RASL10A: variants seen among roughly 807,000 people sequenced by gnomAD.
RASL10A encodes the protein ras-like protein family member 10A.
RASL10A carries 13 observed loss-of-function variants against 17.3 expected under a neutral mutation model. The observed-to-expected ratio is 0.75, with a 90% CI of 0.49 to 1.20. The LOEUF is 1.20. Among genes scored for constraint, RASL10A ranks in the 50% most tolerant of loss-of-function variants. RASL10A has a pLI of 0.00. For missense variants in RASL10A, 307 were observed against 310.3 expected (o/e 0.99, Z 0.08); for synonymous variants, 159 against 142.2 (o/e 1.12, Z -0.84).
At chr22:29,314,336 T>C (rs174762) in intron 1 of RASL10A, 138,766 of 215,424 alleles carry the variant, frequency 0.64, 45,860 homozygotes, top group African/African-American at 0.8. Flanking sequence ...TTGGCCCGAG[T>C]CCCGTGGTCC....
rs915552705 is a variant in RASL10A, at chr22:29,313,416, T to C, written c.497A>G (p.His166Arg). The C allele has an allele frequency of 1.3e-6, 2 of 1,541,818 alleles. No homozygotes were observed. Among genetic ancestry groups the C allele is most frequent in the South Asian group, 2.4e-5 (2 of 84,080 alleles). ...YLECSAKYNW[H>R]VLRLFRELLR... is the part of the protein sequence containing the mutation. Reference sequence around the variant, plus strand: ...CAGCTCGCGGAAGAGACGCAGCACGTGCCAGTTGTACTTGGCGGAGCACTC... The same window carrying C: ...CAGCTCGCGGAAGAGACGCAGCACGCGCCAGTTGTACTTGGCGGAGCACTC... Residue 166 changes from histidine to arginine, a missense_variant, in exon 3 of 3, where the codon CAC becomes CGC. Transcript: ENST00000216101.
intron 2 of RASL10A, 31 bp from the exon 3 acceptor site, chr22:29,313,599 G>A: frequency 6.7e-7 from 1 of 1,503,664 alleles, no homozygotes; most frequent in Non-Finnish European, 8.8e-7. Context: ...AGAGACGCGG[G>A]GACCCCACGG....
chr22:29,313,635 C>T, intron 2 of RASL10A, 67 bp from the exon 3 acceptor site: 3 of 1,456,716 alleles, frequency 2.1e-6, no homozygotes, highest in Non-Finnish European at 2.7e-6. Flanking sequence ...AGTGGGTATA[C>T]ACACGCAGGC....
At chr22:29,313,763 A>AC in intron 2 of RASL10A, 100 bp downstream of exon 2, 7 of 1,542,526 alleles carry the variant, frequency 4.5e-6, no homozygotes, top group Non-Finnish European at 6.1e-6. Context: ...AAGGCCTAAG[A>AC]CCCGGCCCAC....
upstream of RASL10A, chr22:29,319,424 C>T (rs2147915636): frequency 6.6e-6 from 1 of 152,168 alleles, no homozygotes; most frequent in Non-Finnish European, 1.5e-5. Context: ...CTCTTGAGGG[C>T]TGGGCTGGTC....
upstream of RASL10A, among the ~76,000 whole-genome samples, chr22:29,318,982 C>T (rs1029415313): frequency 2.0e-5 from 3 of 152,080 alleles, no homozygotes; most frequent in African/African-American, 7.2e-5. Context: ...AGCACCAGTC[C>T]AGCGGGAGTT....
At chr22:29,314,830 C>G (rs1181732698) in intron 1 of RASL10A, among the ~76,000 whole-genome samples, 198 bp downstream of exon 1, 1 of 152,234 alleles carries the variant, frequency 6.6e-6, no homozygotes, top group Non-Finnish European at 1.5e-5. Context: ...GGCAAAATCG[C>G]CCGGCCTCCA....
Position 29,313,158 on chromosome 22 carries a change from A to G in RASL10A, c.*143T>C. Reference sequence around the variant, plus strand: ...TTCAAAAGGGGGCCAGTCGCTTAGGAGACTGGGTTGGAGCTTTCCTCATCC... The same window carrying G: ...TTCAAAAGGGGGCCAGTCGCTTAGGGGACTGGGTTGGAGCTTTCCTCATCC... On this transcript the variant is annotated 3_prime_UTR_variant, in exon 3 of 3. Coordinates refer to ENST00000216101, the MANE Select transcript of RASL10A (RefSeq NM_006477.5). 1.7e-6 allele frequency: 2 copies of G among 1,144,468 alleles called. No individual in the cohort carries two copies. Among genetic ancestry groups the G allele is most frequent in the Non-Finnish European group, 1.2e-6 (1 of 860,644 alleles). 70.9% of individuals were successfully genotyped at this position (1,144,468 alleles called of 1,614,324 possible). A position where few individuals can be genotyped will look rare whatever the true frequency, so the allele number is the denominator to read the frequency against.
chr22:29,318,021 C>T (rs534923769), upstream of RASL10A, among the ~76,000 whole-genome samples: 6 of 152,280 alleles, frequency 3.9e-5, no homozygotes, highest in South Asian at 2.1e-4. Flanking sequence ...CAATGCTAGG[C>T]GCACTCCCGC....
At position 29,313,546 on chromosome 22, in the gene RASL10A, G is replaced by A; in HGVS notation, c.367C>T (p.Pro123Ser). Reference protein sequence around the residue: ...ETRPAGAPEAPILVVGNKRDR... With the variant: ...ETRPAGAPEASILVVGNKRDR... ...CGCTTGTTGCCTACCACGAGGATGG[G>A]CGCTTCGGGCGCGCCCGCCGGCCTG... is the stretch of plus-strand genomic sequence containing the variant. Residue 123 changes from proline (P) to serine (S), a missense_variant, in exon 3 of 3, where the codon CCC (proline) becomes TCC (serine). Physicochemically the swap from Pro to Ser is moderately conservative, Grantham distance 74. Coordinates refer to ENST00000216101, the MANE Select transcript of RASL10A (RefSeq NM_006477.5). The A allele has an allele frequency of 6.5e-7, 1 of 1,537,942 alleles. No homozygotes were observed. Among genetic ancestry groups the A allele is most frequent in the Non-Finnish European group, 8.7e-7 (1 of 1,153,852 alleles).
chr22:29,315,209 G>A lies in RASL10A; in HGVS notation c.38C>T (p.Pro13Leu). The part of the protein sequence containing the change: ...GSLRVAVLGA[P>L]GVGKTAIIRQ... ...GATGATGGCCGTCTTGCCCACGCCC[G>A]GGGCGCCTAGAACGGCCACCCGCAG... Residue 13 changes from proline (P) to leucine (L), a missense_variant, in exon 1 of 3, where the codon CCG becomes CTG. Coordinates refer to ENST00000216101, the MANE Select transcript of RASL10A (RefSeq NM_006477.5). This position sits in a 1 kb window ranked among gnomAD's most constrained non-coding sequence, Gnocchi z 5.5. 1 of 1,526,574 alleles carries A rather than the reference G, an allele frequency of 6.6e-7. No homozygotes were observed. The highest frequency in any genetic ancestry group is 8.7e-7 in the Non-Finnish European group (1 of 1,144,760). The allele number at this position is 1,526,574 out of a possible 1,614,324, so 94.6% of individuals were successfully genotyped here. A position where few individuals can be genotyped will look rare whatever the true frequency, so the allele number is the denominator to read the frequency against.
rs552422686 is a variant in RASL10A, at chr22:29,313,659, A to G, written c.345-91T>C. The G allele has an allele frequency of 8.0e-4, 1,127 of 1,417,500 alleles. 1 individual carries two copies. The highest frequency in any genetic ancestry group is 1.5e-3 in the Admixed American group (56 of 37,178). The allele number at this position is 1,417,500 out of a possible 1,614,324, so 87.8% of individuals were successfully genotyped here. On this transcript the variant is annotated intron_variant, in intron 2 of 2. Coordinates refer to ENST00000216101, the MANE Select transcript of RASL10A (RefSeq NM_006477.5). ...ACACACGCAGGCGCATTCCCTTCCTACGGCCAGAGACACCGCCCCCCCCGC... is the reference window on the plus strand; with the variant it reads ...ACACACGCAGGCGCATTCCCTTCCTGCGGCCAGAGACACCGCCCCCCCCGC...
chr22:29,313,604 C>T (rs1202794134), intron 2 of RASL10A, 36 bp from the exon 3 acceptor site: 4 of 1,496,810 alleles, frequency 2.7e-6, no homozygotes, highest in Middle Eastern at 2.5e-4. Flanking sequence ...CGCGGGGACC[C>T]CACGGCCGGA....
intron 1 of RASL10A, 101 bp downstream of exon 1, chr22:29,314,927 C>A (rs2061443861): frequency 2.0e-6 from 2 of 996,446 alleles, no homozygotes; most frequent in Admixed American, 7.7e-5. Flanking sequence ...TCCCGGAGCA[C>A]AGCCAGGCGC....
chr22:29,314,119 G>A, intron 1 of RASL10A, 132 bp from the exon 2 acceptor site: 1 of 1,265,526 alleles, frequency 7.9e-7, no homozygotes, highest in South Asian at 1.6e-5. Flanking sequence ...CCTCCCCCAA[G>A]CTTTCCGGGC....
At chr22:29,314,648 TAC>T (rs1343883491) in intron 1 of RASL10A, among the ~76,000 whole-genome samples, 1 of 151,612 alleles carries the variant, frequency 6.6e-6, no homozygotes, top group Admixed American at 6.6e-5. Flanking sequence ...CCGTAGAAAG[TAC>T]ACCCCTGCTC....
upstream of RASL10A, among the ~76,000 whole-genome samples, chr22:29,316,450 C>T (rs2061454643): frequency 6.6e-6 from 1 of 152,224 alleles, no homozygotes; most frequent in South Asian, 2.1e-4. Flanking sequence ...TTGGCCCACT[C>T]CACCTCCATC....
At chr22:29,318,867 C>T (rs1238486807), upstream of RASL10A, among the ~76,000 whole-genome samples, 1 of 152,186 alleles carries the variant, frequency 6.6e-6, no homozygotes, top group Non-Finnish European at 1.5e-5. Flanking sequence ...TCCTGCCTAC[C>T]CTCTGTGGCA....
rs1409120505 is a variant in RASL10A at position 29,313,467 on chromosome 22, C to A, written c.446G>T (p.Arg149Leu). The A allele has an allele frequency of 2.3e-5, 36 of 1,546,304 alleles. No individual in the cohort carries two copies. The highest frequency in any genetic ancestry group is 3.1e-5 in the Non-Finnish European group (36 of 1,151,786). The change falls in exon 3 of 3, where the codon CGC becomes CTC. Residue 149 changes from arginine (R) to leucine (L), a missense_variant. Transcript: ENST00000216101. ...GPRRALAALVRRGWRCGYLEC... is the reference protein window; with the variant it reads ...GPRRALAALVLRGWRCGYLEC... ...GAGGTAGCCGCAGCGCCAGCCCCTGCGCACTAGGGCGGCCAGCGCGCGCCG... is the reference window on the plus strand; with the variant it reads ...GAGGTAGCCGCAGCGCCAGCCCCTGAGCACTAGGGCGGCCAGCGCGCGCCG...
Sources: gnomAD v4.1 joint callset for allele counts (sites outside exome capture counted in the v4.1 genomes callset) on GRCh38, gnomAD v4.1.1 for gene constraint, Gnocchi (gnomAD v3.1) non-coding constraint, MANE v1.5 for transcripts, NCBI Gene and HGNC (gene_info 2026-07-23, HGNC 2026-07-21) for gene names.